PCDHGB6: variants seen among roughly 807,000 people sequenced by gnomAD.
PCDHGB6 encodes the protein protocadherin gamma-B6.
Under a neutral mutation model 59.1 loss-of-function variants are expected in PCDHGB6, and 51 were observed. That is an observed-to-expected ratio of 0.86 (90% confidence interval 0.69 to 1.09). The LOEUF (loss-of-function observed/expected upper bound fraction) is 1.09. Ranked by LOEUF, PCDHGB6 falls within the 50% of genes least tolerant of loss-of-function variation. The probability of loss-of-function intolerance (pLI) is 0.00; values close to 1 mark genes in which losing one functional copy is unlikely to be tolerated. For missense variants in PCDHGB6, 1,148 were observed against 1,205.1 expected (o/e 0.95, Z 0.70); for synonymous variants, 466 against 495.1 (o/e 0.94, Z 0.78).
intron 1 of PCDHGB6, among the ~76,000 whole-genome samples, chr5:141,471,035 G>A (rs2099247157): frequency 7.1e-6 from 1 of 141,386 alleles, no homozygotes; most frequent in Admixed American, 7.1e-5. Flanking sequence ...TTATTAACAA[G>A]CCCAAGCCCT....
rs1047637676 is a variant in PCDHGB6, at chr5:141,449,606, A to G, written c.2418+38986A>G. The stretch of plus-strand genomic sequence containing the variant: ...TCTGTCTCAAAAAAAAAAAAAAAAA[A>G]AGTAAAAAAGTTTTTTAAAAAGATG... On this transcript the variant is annotated intron_variant, in intron 1 of 3. Transcript: ENST00000520790. 3.9e-3 allele frequency among the ~76,000 whole-genome samples: 591 copies of G among 150,802 alleles called. 2 individuals carry two copies. The highest frequency in any genetic ancestry group is 0.01 in the Middle Eastern group (3 of 290).
At chr5:141,448,999 G>GT (rs910018882) in intron 1 of PCDHGB6, among the ~76,000 whole-genome samples, 19 of 151,698 alleles carry the variant, frequency 1.3e-4, no homozygotes, top group South Asian at 2.1e-4. Flanking sequence ...ATAGAAAGCT[G>GT]TTTTTTTTAA....
intron 1 of PCDHGB6, among the ~76,000 whole-genome samples, chr5:141,468,952 G>GTT (rs34870721): frequency 3.3e-5 from 5 of 151,198 alleles, no homozygotes; most frequent in Admixed American, 6.6e-5. Flanking sequence ...TAAACCTGTG[G>GTT]TTTTTTTTAC....
intron 1 of PCDHGB6, chr5:141,413,690 A>G (rs553462819): frequency 6.2e-7 from 1 of 1,613,702 alleles, no homozygotes; most frequent in Non-Finnish European, 8.5e-7. Flanking sequence ...AACTCCCTGC[A>G]GAGCTATCAG....
chr5:141,486,337 C>T lies in PCDHGB6; in HGVS notation c.2419-8470C>T, dbSNP rs116799150. On this transcript the variant is annotated intron_variant, in intron 1 of 3. Coordinates refer to ENST00000520790, the MANE Select transcript of PCDHGB6 (RefSeq NM_018926.3). The surrounding 1 kb of genome is among the most constrained non-coding windows in gnomAD (Gnocchi z 5.0). ...GGTCAAACGGAGATGTGAGCCTCCG[C>T]ATTCCTGACCACTTGCCATTTGCCC... 1 of 1,614,076 alleles carries T rather than the reference C, an allele frequency of 6.2e-7. No homozygotes were observed. Among genetic ancestry groups the T allele is most frequent in the Non-Finnish European group, 8.5e-7 (1 of 1,179,966 alleles).
In PCDHGB6 at chr5:141,428,146, C is replaced by G. The variant is rs549173211; in HGVS notation, c.2418+17526C>G. The G allele has an allele frequency of 1.3e-5, 21 of 1,589,348 alleles. No individual in the cohort carries two copies. The East Asian group carries it at 4.0e-4, about 30-fold the overall frequency. Reference sequence around the variant, plus strand: ...GGGCTTTTCAGCCTGGGGCTGCACACGGGAACCTGCTGGTTGCTGTGCGTG... The same window carrying G: ...GGGCTTTTCAGCCTGGGGCTGCACAGGGGAACCTGCTGGTTGCTGTGCGTG... On this transcript the variant is annotated intron_variant, in intron 1 of 3. Transcript: ENST00000520790.
chr5:141,465,606 T>C (rs192541390), intron 1 of PCDHGB6, among the ~76,000 whole-genome samples: 22 of 152,338 alleles, frequency 1.4e-4, no homozygotes, highest in African/African-American at 5.3e-4. Context: ...TATCACTCTT[T>C]GGCCCTCCAG....
chr5:141,414,517 G>C, intron 1 of PCDHGB6: 1 of 1,613,964 alleles, frequency 6.2e-7, no homozygotes, highest in South Asian at 1.1e-5. Context: ...ACAAGTGGCA[G>C]ATATCAATGA....
At chr5:141,456,142 C>A (rs1258425044) in intron 1 of PCDHGB6, among the ~76,000 whole-genome samples, 1 of 152,052 alleles carries the variant, frequency 6.6e-6, no homozygotes, top group Non-Finnish European at 1.5e-5. Flanking sequence ...CCTGATCCGC[C>A]CGCCTCGGCC....
intron 1 of PCDHGB6, chr5:141,440,652 C>T (rs755275974): frequency 6.6e-6 from 1 of 152,160 alleles, no homozygotes; most frequent in Non-Finnish European, 1.5e-5. Flanking sequence ...AAAATTATCA[C>T]CTTAGCAGCA....
At chr5:141,450,006 C>CTTT (rs1554136305) in intron 1 of PCDHGB6, among the ~76,000 whole-genome samples, 1 of 132,986 alleles carries the variant, frequency 7.5e-6, no homozygotes, top group Non-Finnish European at 1.6e-5. Context: ...TGCCATGTCT[C>CTTT]TTTTTTTTTT....
At position 141,491,794 on chromosome 5, in the gene PCDHGB6, TC is replaced by T; in HGVS notation, c.2419-3011del. On this transcript the variant is annotated intron_variant, in intron 1 of 3. Transcript: ENST00000520790. This position sits in a 1 kb window ranked among gnomAD's most constrained non-coding sequence, Gnocchi z 6.9. ...GGGATTGAACTTGCATCCACTCCTC[TC>T]CGGCCGGCTTGGTCGCTGGCTGCGC... is the stretch of plus-strand genomic sequence containing the variant. The T allele has an allele frequency of 6.6e-7, 1 of 1,511,056 alleles. No individual in the cohort carries two copies. The highest frequency in any genetic ancestry group is 8.8e-7 in the Non-Finnish European group (1 of 1,130,146). The allele number at this position is 1,511,056 out of a possible 1,614,324, so 93.6% of individuals were successfully genotyped here.
At position 141,415,593 on chromosome 5, in the gene PCDHGB6, G is replaced by A. The variant is rs201857595; in HGVS notation, c.2418+4973G>A. ...TAGATGATTCGAAGTTTCCTATAGA[G>A]GATACCCCATTGGTTCCAGTGAGTT... On this transcript the variant is annotated intron_variant, in intron 1 of 3. Transcript: ENST00000520790. The A allele has an allele frequency of 7.6e-5, 122 of 1,613,876 alleles. No homozygotes were observed. In the East Asian group the frequency reaches 2.7e-3, roughly 35 times the overall value.
intron 1 of PCDHGB6, chr5:141,478,291 C>T: frequency 1.9e-6 from 3 of 1,614,144 alleles, no homozygotes; most frequent in East Asian, 2.2e-5. Context: ...AGTCTAGAGA[C>T]CTATACCGAG....
chr5:141,479,941 T>C (rs983830280), intron 1 of PCDHGB6, among the ~76,000 whole-genome samples: 2 of 152,194 alleles, frequency 1.3e-5, no homozygotes, highest in Admixed American at 6.5e-5. Context: ...TGCTATCAAC[T>C]CTTGGATTTG....
Position 141,408,313 on chromosome 5 carries a change from T to C in PCDHGB6, c.111T>C (p.Ile37=). The change falls in exon 1 of 4, where the codon ATT becomes ATC. Residue 37 remains isoleucine (I), a synonymous_variant. Transcript: ENST00000520790. ...TGAGTGAGCCGATCCGCTACTCGAT[T>C]CCGGAGGAGCTGGCCAAGGGCTCGG... ...PTLSEPIRYS[I]PEELAKGSVV... is the part of the protein sequence containing the mutation. 6.2e-7 allele frequency: 1 copy of C among 1,613,758 alleles called. No homozygotes were observed. The highest frequency in any genetic ancestry group is 1.1e-5 in the South Asian group (1 of 91,068).
At chr5:141,465,657 G>T (rs904553709) in intron 1 of PCDHGB6, among the ~76,000 whole-genome samples, 2 of 152,130 alleles carry the variant, frequency 1.3e-5, no homozygotes, top group Non-Finnish European at 2.9e-5. Context: ...CCAAAAAAGC[G>T]CTTGCCATGA....
At chr5:141,437,761 C>T (rs1200327020) in intron 1 of PCDHGB6, among the ~76,000 whole-genome samples, 1 of 144,680 alleles carries the variant, frequency 6.9e-6, no homozygotes, top group African/African-American at 2.6e-5. Context: ...TTTTTTGAGA[C>T]AGAGTCTCAA....
intron 1 of PCDHGB6, among the ~76,000 whole-genome samples, chr5:141,467,051 T>G (rs988417775): frequency 6.6e-6 from 1 of 151,462 alleles, no homozygotes; most frequent in Non-Finnish European, 1.5e-5. Context: ...TGAATCAATG[T>G]TTTCTTTTTT....
Sources: allele counts gnomAD v4.1 joint callset (sites outside exome capture counted in the v4.1 genomes callset), GRCh38; gene constraint gnomAD v4.1.1; non-coding constraint Gnocchi (gnomAD v3.1); transcripts MANE v1.5; gene names NCBI Gene and HGNC (gene_info 2026-07-23, HGNC 2026-07-21).